SLC13A3: variants seen among roughly 807,000 people sequenced by gnomAD.
The protein encoded by SLC13A3 is solute carrier family 13 member 3.
A neutral mutation model predicts 59.0 loss-of-function variants in SLC13A3; 40 were observed. The ratio of observed to expected loss-of-function variants is 0.68; its 90% CI spans 0.53 to 0.88. SLC13A3 has a LOEUF of 0.88. Ranked by LOEUF, SLC13A3 falls within the 40% of genes least tolerant of loss-of-function variation. SLC13A3 has a pLI of 0.00. For synonymous variants in SLC13A3, 317 were observed against 330.3 expected (o/e 0.96, Z 0.44); for missense variants, 699 against 783.2 (o/e 0.89, Z 1.28).
At chr20:46,561,922 C>G (rs1487509400) in intron 12 of SLC13A3, among the ~76,000 whole-genome samples, 1 of 152,192 alleles carries the variant, frequency 6.6e-6, no homozygotes, top group Non-Finnish European at 1.5e-5. Context: ...TCATTACTCT[C>G]AGGAGCGAAC....
chr20:46,561,939 G>A (rs990345644), intron 12 of SLC13A3, among the ~76,000 whole-genome samples: 1 of 152,170 alleles, frequency 6.6e-6, no homozygotes, highest in Non-Finnish European at 1.5e-5. Flanking sequence ...GAACCTGCAG[G>A]TGGGCCATCC....
chr20:46,673,323 C>T (rs867600215), upstream of SLC13A3, among the ~76,000 whole-genome samples: 24 of 152,262 alleles, frequency 1.6e-4, no homozygotes, highest in Middle Eastern at 3.4e-3. Flanking sequence ...GTCATCAGCC[C>T]AGTTATGGAG....
chr20:46,608,935 A>G, intron 3 of SLC13A3: 1 of 1,551,020 alleles, frequency 6.4e-7, no homozygotes, highest in Non-Finnish European at 8.7e-7. Context: ...AGAACCCGGA[A>G]GTTGCACACA....
chr20:46,651,953 T>A (rs1014704867), upstream of SLC13A3, among the ~76,000 whole-genome samples: 1 of 152,214 alleles, frequency 6.6e-6, no homozygotes, highest in African/African-American at 2.4e-5. Context: ...TGGATGGAGC[T>A]GGAGGCCATT....
At chr20:46,587,047 A>C (rs2062200217) in intron 8 of SLC13A3, among the ~76,000 whole-genome samples, 1 of 152,266 alleles carries the variant, frequency 6.6e-6, no homozygotes, top group Non-Finnish European at 1.5e-5. Context: ...TAAAAAATGT[A>C]AAAATCATTC....
intron 8 of SLC13A3, chr20:46,583,929 G>C: frequency 1.0e-6 from 1 of 985,378 alleles, no homozygotes; most frequent in South Asian, 4.7e-5. Flanking sequence ...CCTACGAAGA[G>C]GGACTTGACC....
intron 3 of SLC13A3, among the ~76,000 whole-genome samples, chr20:46,602,651 G>T (rs1175417609): frequency 6.6e-6 from 1 of 152,138 alleles, no homozygotes; most frequent in Non-Finnish European, 1.5e-5. Context: ...GGTTATCACA[G>T]CTTGGGTGGA....
At chr20:46,651,241 A>G (rs1157094013) in intron 1 of SLC13A3, 70 bp downstream of exon 1, 11 of 1,408,384 alleles carry the variant, frequency 7.8e-6, no homozygotes, top group Admixed American at 3.1e-5. Context: ...CGGTCTCCCA[A>G]CTTGGAGGCT....
intron 10 of SLC13A3, among the ~76,000 whole-genome samples, chr20:46,575,131 A>T (rs1043121095): frequency 2.6e-4 from 39 of 151,758 alleles, no homozygotes; most frequent in African/African-American, 9.4e-4. Flanking sequence ...ACAGAGTGAA[A>T]CTCTGTCTCA....
At chr20:46,611,891 T>G (rs921662252) in intron 2 of SLC13A3, among the ~76,000 whole-genome samples, 19 of 152,186 alleles carry the variant, frequency 1.2e-4, no homozygotes, top group African/African-American at 4.1e-4. Context: ...AAGCACAGAT[T>G]TATAAGTCTA....
chr20:46,612,147 T>TTTTTTTG (rs1555879622), intron 2 of SLC13A3, among the ~76,000 whole-genome samples: 2 of 145,556 alleles, frequency 1.4e-5, no homozygotes, highest in Non-Finnish European at 3.0e-5. Context: ...TTTTTTTTTT[T>TTTTTTTG]GAGACAGGGT....
intron 8 of SLC13A3, 183 bp from the exon 9 acceptor site, chr20:46,583,852 C>G (rs1192059186): frequency 2.0e-6 from 2 of 985,398 alleles, no homozygotes; most frequent in Non-Finnish European, 2.4e-6. Context: ...TCTTCATTCA[C>G]AGCTCCCTGG....
chr20:46,638,565 G>C (rs1011452590), intron 1 of SLC13A3, among the ~76,000 whole-genome samples: 2 of 152,204 alleles, frequency 1.3e-5, no homozygotes, highest in African/African-American at 4.8e-5. Context: ...GGCCCTGAGG[G>C]CAGGAGTGCC....
At chr20:46,602,555 C>T (rs1237522230) in intron 3 of SLC13A3, among the ~76,000 whole-genome samples, 1 of 152,094 alleles carries the variant, frequency 6.6e-6, no homozygotes, top group Non-Finnish European at 1.5e-5. Flanking sequence ...AGCTCCATCA[C>T]TTACAATGTG....
At chr20:46,628,254 T>C (rs2062697786) in intron 1 of SLC13A3, among the ~76,000 whole-genome samples, 2 of 152,150 alleles carry the variant, frequency 1.3e-5, no homozygotes, top group African/African-American at 4.8e-5. Flanking sequence ...GCAGACTTAT[T>C]TTCTGGGTCA....
chr20:46,623,484 G>A lies in SLC13A3; in HGVS notation c.112-9759C>T, dbSNP rs182031499. On this transcript the variant is annotated intron_variant, in intron 1 of 12. Transcript: ENST00000279027. ...GGGCTCAAGTGAACCTCCCATCTCA[G>A]CCTCCCAAGTAGCTGGGATGACAGG... 2.0e-5 allele frequency among the ~76,000 whole-genome samples: 3 copies of A among 152,142 alleles called. No homozygotes were observed. The East Asian group carries it at 5.8e-4, about 29-fold the overall frequency.
At chr20:46,612,172 G>C (rs1397888705) in intron 2 of SLC13A3, among the ~76,000 whole-genome samples, 1 of 117,916 alleles carries the variant, frequency 8.5e-6, no homozygotes, top group Admixed American at 1.1e-4. Flanking sequence ...CTGTTACTGA[G>C]GTTGGAGTAC....
intron 1 of SLC13A3, among the ~76,000 whole-genome samples, chr20:46,667,965 C>T (rs2063070657): frequency 6.6e-6 from 1 of 152,094 alleles, no homozygotes; most frequent in African/African-American, 2.4e-5. Context: ...TTTGAGGTGC[C>T]ATGAACTGTG....
In SLC13A3 at chr20:46,558,506, A is replaced by C. The variant is rs527494462; in HGVS notation, c.*1516T>G. On this transcript the variant is annotated 3_prime_UTR_variant, in exon 13 of 13. Transcript: ENST00000279027. ...GATTCATCTGGTTACAAATCCCATG[A>C]GTTTCTCTTTGAATGAACCTCTTGC... The C allele has an allele frequency of 6.6e-6, 1 of 152,278 alleles. No individual in the cohort carries two copies. The highest frequency in any genetic ancestry group is 2.1e-4 in the South Asian group (1 of 4,826). 9.4% of individuals were successfully genotyped at this position (152,278 alleles called of 1,614,324 possible).
Sources: allele counts gnomAD v4.1 joint callset (sites outside exome capture counted in the v4.1 genomes callset), GRCh38; gene constraint gnomAD v4.1.1; transcripts MANE v1.5; gene names NCBI Gene and HGNC (gene_info 2026-07-23, HGNC 2026-07-21).